LRMDA: variants seen among roughly 807,000 people sequenced by gnomAD.
The protein encoded by LRMDA is leucine-rich melanocyte differentiation-associated protein.
LRMDA carries 18 observed loss-of-function variants against 29.8 expected under a neutral mutation model. The observed-to-expected ratio is 0.60, with a 90% CI of 0.42 to 0.90. The LOEUF (loss-of-function observed/expected upper bound fraction) is 0.90. LRMDA is among the 40% of genes least tolerant of loss of function. LRMDA has a pLI of 0.00. For missense variants in LRMDA, 273 were observed against 273.9 expected, an observed-to-expected ratio of 1.00 and a Z score of 0.02; for synonymous variants, 125 against 109.4, an observed-to-expected ratio of 1.14 and a Z score of -0.89.
At chr10:75,991,713 C>G (rs548948593) in intron 2 of LRMDA, among the ~76,000 whole-genome samples, 9 of 152,290 alleles carry the variant, frequency 5.9e-5, no homozygotes, top group African/African-American at 2.2e-4. Flanking sequence ...GTCTCACATC[C>G]TCTCATAGTT....
intron 2 of LRMDA, among the ~76,000 whole-genome samples, chr10:75,463,546 G>A (rs1216554438): frequency 1.3e-5 from 2 of 151,832 alleles, no homozygotes; most frequent in African/African-American, 4.8e-5. Context: ...GGAGTGCAGT[G>A]GTGGGATCTC....
chr10:76,072,891 G>T lies in LRMDA; in HGVS notation c.516+14108G>T, dbSNP rs117486145. Among the ~76,000 whole-genome samples, 123 of 152,344 alleles carry T rather than the reference G, an allele frequency of 8.1e-4. 2 individuals carry two copies. The East Asian group carries it at 0.023, about 28-fold the overall frequency. On this transcript the variant is annotated intron_variant, in intron 5 of 6. Coordinates refer to ENST00000611255, the MANE Select transcript of LRMDA (RefSeq NM_001305581.2). ...TGTGAATGCATCTGCAGACCTTTCTGTGGAGTAGTCTTGAAGTAGGCCTTC... is the reference window on the plus strand; with the variant it reads ...TGTGAATGCATCTGCAGACCTTTCTTTGGAGTAGTCTTGAAGTAGGCCTTC...
chr10:75,476,714 C>T (rs1844797324), intron 2 of LRMDA, among the ~76,000 whole-genome samples: 1 of 152,098 alleles, frequency 6.6e-6, no homozygotes, highest in East Asian at 1.9e-4. Flanking sequence ...TTGTGTTTTC[C>T]CAGCTCTTGG....
chr10:75,749,445 G>T (rs1842926681), intron 2 of LRMDA, among the ~76,000 whole-genome samples: 2 of 151,786 alleles, frequency 1.3e-5, no homozygotes, highest in South Asian at 4.2e-4. Context: ...TATTTATACA[G>T]ATATATATGT....
intron 2 of LRMDA, among the ~76,000 whole-genome samples, chr10:75,737,828 G>A (rs1842784244): frequency 6.6e-6 from 1 of 152,146 alleles, no homozygotes; most frequent in Admixed American, 6.5e-5. Context: ...AAAACCTATA[G>A]TTATCACTGC....
intron 6 of LRMDA, among the ~76,000 whole-genome samples, chr10:76,481,903 G>A (rs1355696545): frequency 6.6e-6 from 1 of 151,680 alleles, no homozygotes; most frequent in South Asian, 2.1e-4. Flanking sequence ...TCATTGACTC[G>A]CAAATGTGTA....
chr10:76,476,036 A>T (rs527565073), intron 6 of LRMDA, among the ~76,000 whole-genome samples: 43 of 152,288 alleles, frequency 2.8e-4, no homozygotes, highest in African/African-American at 1.0e-3. Context: ...AGAAGGCAAG[A>T]AATAACTAAG....
At chr10:76,442,252 G>A (rs534543767) in intron 6 of LRMDA, among the ~76,000 whole-genome samples, 38 of 152,144 alleles carry the variant, frequency 2.5e-4, no homozygotes, top group African/African-American at 7.2e-4. Flanking sequence ...AGTAACTGAC[G>A]GAAAAAATGC....
chr10:76,291,367 CTCAA>C (rs898493315), intron 5 of LRMDA, among the ~76,000 whole-genome samples: 20 of 152,274 alleles, frequency 1.3e-4, no homozygotes, highest in African/African-American at 3.4e-4. Context: ...AAAATGTCAT[CTCAA>C]TCTATTTATG....
intron 2 of LRMDA, among the ~76,000 whole-genome samples, chr10:75,916,829 AT>A (rs1845943078): frequency 6.6e-6 from 1 of 152,186 alleles, no homozygotes; most frequent in Non-Finnish European, 1.5e-5. Context: ...TAGTTTTAAA[AT>A]TATTTATAGA....
intron 2 of LRMDA, among the ~76,000 whole-genome samples, chr10:75,808,004 G>A (rs980775968): frequency 3.9e-5 from 6 of 152,132 alleles, no homozygotes; most frequent in South Asian, 2.1e-4. Context: ...CAGTATGTGG[G>A]CATTTGTGGA....
chr10:75,781,846 G>C (rs771249179), intron 2 of LRMDA, among the ~76,000 whole-genome samples: 5 of 152,204 alleles, frequency 3.3e-5, no homozygotes, highest in Non-Finnish European at 7.3e-5. Context: ...GTGGTAACTT[G>C]TTTCAAATCC....
intron 5 of LRMDA, among the ~76,000 whole-genome samples, chr10:76,245,617 A>G (rs762713006): frequency 1.3e-5 from 2 of 152,214 alleles, no homozygotes; most frequent in African/African-American, 4.8e-5. Flanking sequence ...CCCACATTTT[A>G]TACATTATAA....
intron 2 of LRMDA, among the ~76,000 whole-genome samples, chr10:75,737,044 CACAT>C (rs768757356): frequency 3.3e-4 from 50 of 152,058 alleles, no homozygotes; most frequent in Admixed American, 5.2e-4. Flanking sequence ...TGTATACACA[CACAT>C]GCACGCACGC....
intron 4 of LRMDA, among the ~76,000 whole-genome samples, chr10:76,056,911 C>T (rs139133684): frequency 6.6e-6 from 1 of 152,290 alleles, no homozygotes; most frequent in African/African-American, 2.4e-5. Flanking sequence ...CTGGCTCCTG[C>T]CAGCTCCATA....
intron 6 of LRMDA, among the ~76,000 whole-genome samples, chr10:76,510,744 G>A (rs1483752889): frequency 6.6e-6 from 1 of 152,148 alleles, no homozygotes; most frequent in Admixed American, 6.5e-5. Context: ...GTCTTCCAGA[G>A]CCTGTGATCC....
intron 2 of LRMDA, among the ~76,000 whole-genome samples, chr10:75,707,630 C>A (rs560563820): frequency 6.6e-6 from 1 of 152,142 alleles, no homozygotes; most frequent in Non-Finnish European, 1.5e-5. Context: ...TTTGAGGCTG[C>A]GAGAGAGCTG....
chr10:75,779,533 T>A (rs1843353955), intron 2 of LRMDA, among the ~76,000 whole-genome samples: 1 of 152,106 alleles, frequency 6.6e-6, no homozygotes, highest in Non-Finnish European at 1.5e-5. Flanking sequence ...CCTGGGCCCA[T>A]AAACAGTACT....
Position 76,225,636 on chromosome 10 carries a change from G to T in LRMDA, c.517-98765G>T, listed in dbSNP as rs148758913. Among the ~76,000 whole-genome samples the T allele has an allele frequency of 6.7e-3, 1,010 of 151,530 alleles. 19 individuals are homozygous for T. The highest frequency in any genetic ancestry group is 0.023 in the African/African-American group (961 of 41,280). ...CTCCATGTGATCTGTACATACATTG[G>T]CTCCTGTATTAGTCCATGTTCACAC... is the stretch of plus-strand genomic sequence containing the variant. On this transcript the variant is annotated intron_variant, in intron 5 of 6. Coordinates refer to ENST00000611255, the MANE Select transcript of LRMDA (RefSeq NM_001305581.2).
Sources: gnomAD v4.1 joint callset for allele counts (sites outside exome capture counted in the v4.1 genomes callset) on GRCh38, gnomAD v4.1.1 for gene constraint, MANE v1.5 for transcripts, NCBI Gene and HGNC (gene_info 2026-07-23, HGNC 2026-07-21) for gene names.